Variants in FSHR observed in about 807,000 individuals in gnomAD.
The protein encoded by FSHR is follicle-stimulating hormone receptor.
In FSHR, 46 loss-of-function variants were observed where a neutral mutation model predicts 52.1. The observed-to-expected ratio is 0.88, with a 90% CI of 0.70 to 1.13. The LOEUF is 1.13. FSHR is among the 50% of genes most tolerant of loss of function. FSHR has a pLI of 0.00. For missense variants in FSHR, 964 were observed against 834.6 expected (o/e 1.16, Z -1.91); for synonymous variants, 399 against 309.6 (o/e 1.29, Z -3.03).
intron 8 of FSHR, among the ~76,000 whole-genome samples, chr2:48,981,374 A>G (rs1675240538): frequency 6.6e-6 from 1 of 152,150 alleles, no homozygotes; most frequent in Non-Finnish European, 1.5e-5. Context: ...TTATCTGATG[A>G]GTGAAAAAAT....
chr2:48,968,843 C>G lies in FSHR; in HGVS notation c.709G>C (p.Gly237Arg). 6.2e-7 allele frequency: 1 copy of G among 1,613,978 alleles called. No homozygotes were observed. The highest frequency in any genetic ancestry group is 8.5e-7 in the Non-Finnish European group (1 of 1,179,980). Residue 237 changes from glycine (G) to arginine (R), a missense_variant, in exon 9 of 10, where the codon GGC becomes CGC. Gly to Arg is a moderately radical substitution (Grantham distance 125). Coordinates refer to ENST00000406846, the MANE Select transcript of FSHR (RefSeq NM_000145.4). ...RTRIHSLPSY[G>R]LENLKKLRAR... The stretch of plus-strand genomic sequence containing the variant: ...CTCAGCTTCTTAAGATTTTCTAAGC[C>G]ATAGCTAGGCAGGGAATGGATCCTT...
chr2:49,013,030 A>T (rs1273211992), intron 4 of FSHR, among the ~76,000 whole-genome samples: 4 of 151,962 alleles, frequency 2.6e-5, no homozygotes, highest in African/African-American at 9.7e-5. Flanking sequence ...ATTATATAAG[A>T]TAAGACACCA....
chr2:49,102,392 A>G (rs1463979553), intron 1 of FSHR, among the ~76,000 whole-genome samples: 5 of 152,144 alleles, frequency 3.3e-5, no homozygotes, highest in African/African-American at 4.8e-5. Flanking sequence ...AAAAGGGAGG[A>G]AGGCCAAGAG....
chr2:49,096,441 C>T (rs1012645599), intron 1 of FSHR, among the ~76,000 whole-genome samples: 1 of 152,148 alleles, frequency 6.6e-6, no homozygotes, highest in Non-Finnish European at 1.5e-5. Context: ...TACTGGTTGC[C>T]ATTGGCTAGG....
At chr2:49,027,349 C>T (rs1667942792) in intron 2 of FSHR, among the ~76,000 whole-genome samples, 2 of 152,006 alleles carry the variant, frequency 1.3e-5, no homozygotes, top group Admixed American at 6.6e-5. Context: ...CAATTATTTA[C>T]TTAATATTTG....
chr2:49,153,213 G>T (rs1673125752), intron 1 of FSHR, among the ~76,000 whole-genome samples: 1 of 152,192 alleles, frequency 6.6e-6, no homozygotes, highest in Non-Finnish European at 1.5e-5. Flanking sequence ...CTAAAGAGAT[G>T]ACCACCTTCT....
chr2:49,150,072 A>C lies in FSHR; in HGVS notation c.152+4194T>G, dbSNP rs535930987. On this transcript the variant is annotated intron_variant, in intron 1 of 9. Coordinates refer to ENST00000406846, the MANE Select transcript of FSHR (RefSeq NM_000145.4). ...TGTTTGCATTCTCCTTAGGAATTCT[A>C]ACTGCAGGAAGAATAAAGTAAGATC... is the stretch of plus-strand genomic sequence containing the variant. 3.3e-5 allele frequency among the ~76,000 whole-genome samples: 5 copies of C among 152,246 alleles called. No individual in the cohort carries two copies. The East Asian group carries it at 5.8e-4, about 18-fold the overall frequency.
chr2:49,058,113 A>G (rs1001699789), intron 2 of FSHR, among the ~76,000 whole-genome samples: 1 of 152,220 alleles, frequency 6.6e-6, no homozygotes, highest in Non-Finnish European at 1.5e-5. Context: ...GGAATGTTAC[A>G]ATAATTCCCA....
At chr2:49,068,573 T>G (rs1669601635) in intron 1 of FSHR, among the ~76,000 whole-genome samples, 1 of 152,082 alleles carries the variant, frequency 6.6e-6, no homozygotes, top group Non-Finnish European at 1.5e-5. Context: ...GAACCTTGCT[T>G]GTTCCCACTA....
intron 1 of FSHR, among the ~76,000 whole-genome samples, chr2:49,100,105 A>G (rs1670972464): frequency 6.6e-6 from 1 of 152,194 alleles, no homozygotes; most frequent in South Asian, 2.1e-4. Flanking sequence ...TCTTCACAAC[A>G]AACCTATTAC....
Position 49,154,434 on chromosome 2 carries a change from A to T in FSHR, c.-17T>A, listed in dbSNP as rs751212386. 14 of 1,611,262 alleles carry T rather than the reference A, an allele frequency of 8.7e-6. No homozygotes were observed. The highest frequency in any genetic ancestry group is 1.2e-5 in the Non-Finnish European group (14 of 1,179,584). On this transcript the variant is annotated 5_prime_UTR_variant, in exon 1 of 10. Coordinates refer to ENST00000406846, the MANE Select transcript of FSHR (RefSeq NM_000145.4). ...CAGGGCCATAATTATGCATCCATCC[A>T]CCTGATTTCTTCCTGCATTTGCAGA...
At chr2:49,059,424 A>G (rs928065514) in intron 2 of FSHR, among the ~76,000 whole-genome samples, 4 of 152,010 alleles carry the variant, frequency 2.6e-5, no homozygotes, top group African/African-American at 9.7e-5. Flanking sequence ...GGAAAAAAAA[A>G]ACAGACAAAT....
At chr2:49,122,582 G>A (rs754277260) in intron 1 of FSHR, among the ~76,000 whole-genome samples, 6 of 152,088 alleles carry the variant, frequency 3.9e-5, no homozygotes, top group Non-Finnish European at 8.8e-5. Flanking sequence ...ATAATGGCCT[G>A]CATTCTGTCT....
chr2:48,972,197 C>A (rs1210592028), intron 8 of FSHR, among the ~76,000 whole-genome samples: 1 of 152,184 alleles, frequency 6.6e-6, no homozygotes, highest in Non-Finnish European at 1.5e-5. Context: ...TTGATGCCTA[C>A]CTGGACTCCT....
chr2:48,983,462 T>A (rs906529828), intron 6 of FSHR, among the ~76,000 whole-genome samples: 1 of 152,240 alleles, frequency 6.6e-6, no homozygotes, highest in African/African-American at 2.4e-5. Context: ...TGTAAGGTCT[T>A]TACACACATC....
chr2:49,069,267 A>G (rs1669638252), intron 1 of FSHR, among the ~76,000 whole-genome samples: 1 of 152,120 alleles, frequency 6.6e-6, no homozygotes, highest in South Asian at 2.1e-4. Context: ...CGGACAAGCC[A>G]GGTTCCTTCT....
intron 4 of FSHR, among the ~76,000 whole-genome samples, chr2:48,991,981 G>A (rs777142071): frequency 1.3e-5 from 2 of 151,566 alleles, no homozygotes; most frequent in African/African-American, 2.4e-5. Flanking sequence ...GAGAGGAAGT[G>A]AATGCAGTCT....
chr2:49,023,911 C>T (rs1225181619), intron 2 of FSHR, among the ~76,000 whole-genome samples: 1 of 152,112 alleles, frequency 6.6e-6, no homozygotes, highest in Non-Finnish European at 1.5e-5. Flanking sequence ...AATTCCTTTC[C>T]TTCAAATATA....
intron 4 of FSHR, chr2:49,014,741 C>T: frequency 3.7e-6 from 1 of 270,260 alleles, no homozygotes. Flanking sequence ...TTATCATGGG[C>T]TAGGGATATC....
Sources: gnomAD v4.1 joint callset for allele counts (sites outside exome capture counted in the v4.1 genomes callset) on GRCh38, gnomAD v4.1.1 for gene constraint, MANE v1.5 for transcripts, NCBI Gene and HGNC (gene_info 2026-07-23, HGNC 2026-07-21) for gene names.